PIBF1: variants seen among roughly 807,000 people sequenced by gnomAD.
The protein encoded by PIBF1 is progesterone immunomodulatory binding factor 1.
Under a neutral mutation model 112.5 loss-of-function variants are expected in PIBF1, and 90 were observed. The ratio of observed to expected loss-of-function variants is 0.80; its 90% CI spans 0.67 to 0.95. The LOEUF is 0.95. Among genes scored for constraint, PIBF1 ranks in the 40% least tolerant of loss-of-function variants. The pLI is 0.00. For missense variants in PIBF1, 915 were observed against 852.3 expected (o/e 1.07, Z -0.92); for synonymous variants, 301 against 288.6 (o/e 1.04, Z -0.44).
intron 13 of PIBF1, among the ~76,000 whole-genome samples, chr13:72,929,648 A>G (rs1018759716): frequency 2.6e-5 from 4 of 152,152 alleles, no homozygotes; most frequent in African/African-American, 9.7e-5. Flanking sequence ...TAAGTTGCAT[A>G]TCAGTAAAAT....
chr13:72,908,774 C>A, intron 12 of PIBF1, 93 bp downstream of exon 12: 5 of 1,147,352 alleles, frequency 4.4e-6, no homozygotes, highest in Non-Finnish European at 6.1e-6. Flanking sequence ...TGGGATCAGG[C>A]ACGGTGGCTC....
chr13:72,803,384 G>T (rs1285548285), intron 5 of PIBF1, among the ~76,000 whole-genome samples: 1 of 152,078 alleles, frequency 6.6e-6, no homozygotes, highest in Admixed American at 6.5e-5. Flanking sequence ...AACCAACAGT[G>T]TAGGTAGTAC....
intron 12 of PIBF1, among the ~76,000 whole-genome samples, chr13:72,916,328 G>A (rs1410449435): frequency 6.6e-6 from 1 of 151,752 alleles, no homozygotes; most frequent in Non-Finnish European, 1.5e-5. Flanking sequence ...GGAGGCAGAG[G>A]TCGCTGTGAG....
chr13:72,903,741 AT>A (rs2040586968), intron 11 of PIBF1, among the ~76,000 whole-genome samples: 1 of 152,188 alleles, frequency 6.6e-6, no homozygotes, highest in East Asian at 1.9e-4. Flanking sequence ...CCTTAGTTTT[AT>A]CATAAAAGAA....
At chr13:72,969,308 G>A (rs1465040224) in intron 15 of PIBF1, among the ~76,000 whole-genome samples, 1 of 149,896 alleles carries the variant, frequency 6.7e-6, no homozygotes, top group African/African-American at 2.5e-5. Context: ...AACAGCAACG[G>A]TTTTCATAAA....
chr13:72,946,915 A>G (rs914960468), intron 14 of PIBF1, among the ~76,000 whole-genome samples: 1 of 152,192 alleles, frequency 6.6e-6, no homozygotes, highest in African/African-American at 2.4e-5. Context: ...TTTCAGGCAG[A>G]CAGTGCAAGG....
chr13:72,795,489 A>G lies in PIBF1; in HGVS notation c.484A>G (p.Thr162Ala). The G allele has an allele frequency of 6.2e-7, 1 of 1,609,684 alleles. No homozygotes were observed. Among genetic ancestry groups the G allele is most frequent in the Non-Finnish European group, 8.5e-7 (1 of 1,178,398 alleles). Reference sequence around the variant, plus strand: ...TCGAAACCTGCGTGACTTTGAGTTGACAGAAGAGCAATATATTAAATTAAA... The same window carrying G: ...TCGAAACCTGCGTGACTTTGAGTTGGCAGAAGAGCAATATATTAAATTAAA... ...VRRNLRDFEL[T>A]EEQYIKLKAF... is the part of the protein sequence containing the mutation. The change falls in exon 4 of 18, where the codon ACA (threonine) becomes GCA (alanine). Residue 162 changes from threonine to alanine, a missense_variant. Thr to Ala is a moderately conservative substitution (Grantham distance 58). Transcript: ENST00000326291.
At chr13:72,885,972 A>G (rs886669699) in intron 10 of PIBF1, among the ~76,000 whole-genome samples, 5 of 152,176 alleles carry the variant, frequency 3.3e-5, no homozygotes, top group African/African-American at 1.2e-4. Context: ...TAATTTGGAT[A>G]AATTAACATT....
In PIBF1 at chr13:72,863,461, C is replaced by T. The variant is rs900566951; in HGVS notation, c.1322+9306C>T. ...GGTCAGGAGATTGAGACCATCCTGGCTAACACGGTGAAACCCCATCTCTAC... is the reference window on the plus strand; with the variant it reads ...GGTCAGGAGATTGAGACCATCCTGGTTAACACGGTGAAACCCCATCTCTAC... On this transcript the variant is annotated intron_variant, in intron 10 of 17. Coordinates refer to ENST00000326291, the MANE Select transcript of PIBF1 (RefSeq NM_006346.4). Among the ~76,000 whole-genome samples the T allele has an allele frequency of 2.0e-5, 3 of 151,232 alleles. No individual in the cohort carries two copies. The East Asian group carries it at 5.8e-4, about 29-fold the overall frequency.
At chr13:72,857,342 C>T (rs1355573932) in intron 10 of PIBF1, among the ~76,000 whole-genome samples, 2 of 152,140 alleles carry the variant, frequency 1.3e-5, no homozygotes, top group Non-Finnish European at 2.9e-5. Context: ...GCCTTTGCAA[C>T]TTAGGAGTTA....
intron 13 of PIBF1, among the ~76,000 whole-genome samples, chr13:72,929,002 A>G (rs960020712): frequency 6.6e-6 from 1 of 151,996 alleles, no homozygotes; most frequent in African/African-American, 2.4e-5. Context: ...GTGTAATTGC[A>G]TTTGATTGTG....
intron 2 of PIBF1, among the ~76,000 whole-genome samples, chr13:72,787,116 T>C (rs949974978): frequency 1.3e-5 from 2 of 152,214 alleles, no homozygotes; most frequent in Non-Finnish European, 1.5e-5. Context: ...TGTATATATA[T>C]GTTTACTTCT....
At chr13:72,842,060 C>T (rs1175638866) in intron 9 of PIBF1, among the ~76,000 whole-genome samples, 4 of 152,026 alleles carry the variant, frequency 2.6e-5, no homozygotes, top group African/African-American at 9.7e-5. Flanking sequence ...AGCATTTAAC[C>T]AGTTTTCTTA....
In PIBF1 at chr13:72,874,961, T is replaced by C. The variant is rs557246727; in HGVS notation, c.1323-18823T>C. On this transcript the variant is annotated intron_variant, in intron 10 of 17. Coordinates refer to ENST00000326291, the MANE Select transcript of PIBF1 (RefSeq NM_006346.4). ...CCAAACTCTATAGTTTTCATTAGGGTTCACTCTTGGTCCGGCTACTTTTTA... is the reference window on the plus strand; with the variant it reads ...CCAAACTCTATAGTTTTCATTAGGGCTCACTCTTGGTCCGGCTACTTTTTA... Among the ~76,000 whole-genome samples, 3 of 152,238 alleles carry C rather than the reference T, an allele frequency of 2.0e-5. No homozygotes were observed. The East Asian group carries it at 5.8e-4, about 29-fold the overall frequency.
chr13:72,816,685 A>G (rs2036288814), intron 5 of PIBF1, among the ~76,000 whole-genome samples: 1 of 146,280 alleles, frequency 6.8e-6, no homozygotes, highest in Non-Finnish European at 1.5e-5. Context: ...TTACTGAGTT[A>G]TTTTTTTCTT....
intron 15 of PIBF1, among the ~76,000 whole-genome samples, chr13:72,967,496 T>C (rs2042773641): frequency 6.6e-6 from 1 of 152,160 alleles, no homozygotes; most frequent in Admixed American, 6.5e-5. Flanking sequence ...ACATGCAACA[T>C]TGTGATAGAG....
intron 5 of PIBF1, among the ~76,000 whole-genome samples, chr13:72,810,625 T>A (rs1190093880): frequency 1.3e-5 from 2 of 152,210 alleles, no homozygotes; most frequent in Non-Finnish European, 2.9e-5. Flanking sequence ...AACTGTTTTC[T>A]GAGATTTCTT....
At chr13:72,845,967 A>C (rs1258741549) in intron 9 of PIBF1, among the ~76,000 whole-genome samples, 3 of 152,164 alleles carry the variant, frequency 2.0e-5, no homozygotes, top group Non-Finnish European at 2.9e-5. Context: ...TATGTAACAC[A>C]GTTGATCACT....
At position 72,805,300 on chromosome 13, in the gene PIBF1, G is replaced by A. The variant is rs374070388; in HGVS notation, c.672+7274G>A. Among the ~76,000 whole-genome samples, 30 of 152,180 alleles carry A rather than the reference G, an allele frequency of 2.0e-4. No individual in the cohort carries two copies. The South Asian group carries it at 5.6e-3, about 28-fold the overall frequency. ...TGGGACTACAGGCACACGCCACGAC[G>A]CCTGGCTAATTTTTTGTATTTTTAG... On this transcript the variant is annotated intron_variant, in intron 5 of 17. Transcript: ENST00000326291.
Sources: allele counts gnomAD v4.1 joint callset (sites outside exome capture counted in the v4.1 genomes callset), GRCh38; gene constraint gnomAD v4.1.1; transcripts MANE v1.5; gene names NCBI Gene and HGNC (gene_info 2026-07-23, HGNC 2026-07-21).